BPTF: variants seen among roughly 807,000 people sequenced by gnomAD.
BPTF encodes the protein nucleosome-remodeling factor subunit BPTF.
In BPTF, 18 loss-of-function variants were observed where a neutral mutation model predicts 292.5. The observed-to-expected ratio is 0.06, with a 90% CI of 0.04 to 0.09. The LOEUF is 0.09. Among genes scored for constraint, BPTF ranks in the 10% least tolerant of loss-of-function variants. The pLI is 1.00. For synonymous variants in BPTF, 1,225 were observed against 1,251.9 expected (o/e 0.98, Z 0.45); for missense variants, 2,726 against 3,498.7 (o/e 0.78, Z 5.57).
chr17:67,953,613 T>C (rs1343810523), intron 23 of BPTF, among the ~76,000 whole-genome samples: 1 of 148,448 alleles, frequency 6.7e-6, no homozygotes, highest in African/African-American at 2.5e-5. Flanking sequence ...TTTGCTCTTA[T>C]TGCCCAGGCT....
intron 4 of BPTF, among the ~76,000 whole-genome samples, chr17:67,883,001 TAAAAAAAA>T (rs886889170): frequency 2.1e-5 from 2 of 94,672 alleles, no homozygotes; most frequent in Non-Finnish European, 4.4e-5. Context: ...AGACGTTGTC[TAAAAAAAA>T]AAAAAAAAAA....
chr17:67,932,285 G>A (rs941681478), intron 18 of BPTF, among the ~76,000 whole-genome samples: 6 of 152,162 alleles, frequency 3.9e-5, no homozygotes, highest in Admixed American at 2.6e-4. Flanking sequence ...AAAACAGTCC[G>A]TATAGCAAAA....
At chr17:67,863,576 G>A (rs1305297213) in intron 2 of BPTF, among the ~76,000 whole-genome samples, 3 of 152,222 alleles carry the variant, frequency 2.0e-5, no homozygotes, top group Middle Eastern at 3.4e-3. Flanking sequence ...GAGCCACCAC[G>A]CCCGGCCCAT....
intron 7 of BPTF, among the ~76,000 whole-genome samples, chr17:67,896,149 A>T (rs2061430940): frequency 6.6e-6 from 1 of 152,074 alleles, no homozygotes; most frequent in Non-Finnish European, 1.5e-5. Context: ...TTTTTAGTAG[A>T]GATGGGGTTT....
intron 9 of BPTF, among the ~76,000 whole-genome samples, chr17:67,909,272 C>CAAT: frequency 1.2e-5 from 1 of 85,618 alleles, no homozygotes; most frequent in African/African-American, 4.3e-5. Context: ...ACCAGGTCCC[C>CAAT]CCCCCCCTTT....
At chr17:67,931,403 T>C (rs936867849) in intron 17 of BPTF, among the ~76,000 whole-genome samples, 4 of 152,084 alleles carry the variant, frequency 2.6e-5, no homozygotes, top group Non-Finnish European at 5.9e-5. Flanking sequence ...AGCCCAGGAG[T>C]GAGCCAGGCT....
intron 1 of BPTF, among the ~76,000 whole-genome samples, chr17:67,840,962 T>G (rs2057508883): frequency 6.6e-6 from 1 of 152,212 alleles, no homozygotes. Flanking sequence ...TGTCAGTGCC[T>G]TGCGTTTCAT....
chr17:67,976,846 G>C (rs2069540240), intron 27 of BPTF, among the ~76,000 whole-genome samples: 1 of 151,986 alleles, frequency 6.6e-6, no homozygotes, highest in Admixed American at 6.6e-5. Flanking sequence ...ATTTAGCAGT[G>C]AATAAATTAA....
intron 20 of BPTF, chr17:67,944,581 A>C: frequency 3.4e-6 from 2 of 585,170 alleles, no homozygotes; most frequent in Non-Finnish European, 6.0e-6. Flanking sequence ...TCTCCCTCCT[A>C]TTAAAAAAGA....
chr17:67,964,329 G>A lies in BPTF; in HGVS notation c.8379G>A (p.Glu2793=), dbSNP rs782774616. 2.5e-6 allele frequency: 4 copies of A among 1,614,200 alleles called. No homozygotes were observed. The highest frequency in any genetic ancestry group is 1.6e-4 in the Middle Eastern group (1 of 6,062). The change falls in exon 25 of 28, where the codon GAG becomes GAA. Residue 2793 remains glutamate (E), a synonymous_variant. Coordinates refer to ENST00000306378, the MANE Select transcript of BPTF (RefSeq NM_182641.4). The stretch of plus-strand genomic sequence containing the variant: ...TCTGTCCACAGTGCCAGTCAACAGA[G>A]GATGCCATGACAGTGCTCACGCCAC... The part of the protein sequence containing the change: ...EYVCPQCQST[E]DAMTVLTPLT...
chr17:67,982,158 C>T (rs1194611827), intron 27 of BPTF, 94 bp from the exon 28 acceptor site: 1 of 1,137,042 alleles, frequency 8.8e-7, no homozygotes, highest in African/African-American at 1.5e-5. Flanking sequence ...ATGGCTGCTT[C>T]TCCCAGACTG....
intron 7 of BPTF, among the ~76,000 whole-genome samples, chr17:67,898,967 G>T (rs912092217): frequency 6.7e-6 from 1 of 150,132 alleles, no homozygotes; most frequent in Non-Finnish European, 1.5e-5. Context: ...AGGAAATGCA[G>T]TTTGCCAAGA....
chr17:67,972,889 T>C (rs1772394122), intron 26 of BPTF, among the ~76,000 whole-genome samples: 1 of 151,870 alleles, frequency 6.6e-6, no homozygotes, highest in Non-Finnish European at 1.5e-5. Context: ...ACACCTTACA[T>C]GAACCTACAG....
chr17:67,845,625 T>C (rs1234604626), intron 1 of BPTF, among the ~76,000 whole-genome samples: 1 of 151,786 alleles, frequency 6.6e-6, no homozygotes. Flanking sequence ...AATTTAAAAA[T>C]CAGTTGGGCA....
At chr17:67,827,230 C>G (rs1476246400) in intron 1 of BPTF, among the ~76,000 whole-genome samples, 9 of 152,174 alleles carry the variant, frequency 5.9e-5, no homozygotes, top group Admixed American at 5.9e-4. Flanking sequence ...ACTTCTGGAA[C>G]AACTTCTAAG....
chr17:67,833,575 CTT>C (rs879467989), intron 1 of BPTF, among the ~76,000 whole-genome samples: 16 of 142,566 alleles, frequency 1.1e-4, no homozygotes, highest in Admixed American at 1.4e-4. Flanking sequence ...TAATTTCTTT[CTT>C]TTTTTTTTTT....
At chr17:67,840,929 G>A (rs2057505414) in intron 1 of BPTF, among the ~76,000 whole-genome samples, 2 of 152,158 alleles carry the variant, frequency 1.3e-5, no homozygotes, top group South Asian at 4.1e-4. Flanking sequence ...GTTAGGCTGT[G>A]TGATGTACAT....
In BPTF at chr17:67,919,432, T is replaced by C. The variant is rs1429012620; in HGVS notation, c.5429-583T>C. On this transcript the variant is annotated intron_variant, in intron 12 of 27. Coordinates refer to ENST00000306378, the MANE Select transcript of BPTF (RefSeq NM_182641.4). ...GCCTTGTGTTTGTAGTCCCTGCCAC[T>C]TGGGAGGCTGGGGCCAGGAGGATTG... is the stretch of plus-strand genomic sequence containing the variant. Among the ~76,000 whole-genome samples the C allele has an allele frequency of 2.0e-5, 3 of 152,030 alleles. No homozygotes were observed. The East Asian group carries it at 5.8e-4, about 29-fold the overall frequency.
At chr17:67,933,951 A>G (rs1358067678) in intron 18 of BPTF, among the ~76,000 whole-genome samples, 2 of 151,648 alleles carry the variant, frequency 1.3e-5, no homozygotes, top group Non-Finnish European at 2.9e-5. Context: ...GGCTGAGGCA[A>G]GAGAATTGCT....
Sources: allele counts gnomAD v4.1 joint callset (sites outside exome capture counted in the v4.1 genomes callset), GRCh38; gene constraint gnomAD v4.1.1; transcripts MANE v1.5; gene names NCBI Gene and HGNC (gene_info 2026-07-23, HGNC 2026-07-21).